WWC1: variants seen among roughly 807,000 people sequenced by gnomAD.
WWC1 encodes the protein WW and C2 domain containing 1.
WWC1 carries 55 observed loss-of-function variants against 138.4 expected under a neutral mutation model. The observed-to-expected ratio is 0.40, with a 90% CI of 0.32 to 0.50. The LOEUF (loss-of-function observed/expected upper bound fraction) is 0.50, where lower values mean the gene tolerates loss of function less well. Ranked by LOEUF, WWC1 falls within the 20% of genes least tolerant of loss-of-function variation. The pLI is 0.72. For synonymous variants in WWC1, 524 were observed against 564.9 expected (o/e 0.93, Z 1.03); for missense variants, 1,226 against 1,420.4 (o/e 0.86, Z 2.20).
In WWC1 at chr5:168,442,602, C is replaced by T. The variant is rs566660990; in HGVS notation, c.2433+768C>T. Among the ~76,000 whole-genome samples, 4 of 151,324 alleles carry T rather than the reference C, an allele frequency of 2.6e-5. No homozygotes were observed. In the East Asian group the frequency reaches 7.8e-4, roughly 29 times the overall value. ...CTGTAATCCCAGCACTTTGGGAGGC[C>T]AAGGCAGGAGGATCTCTTGAGGTCA... On this transcript the variant is annotated intron_variant, in intron 16 of 22. Coordinates refer to ENST00000265293, the MANE Select transcript of WWC1 (RefSeq NM_015238.3).
chr5:168,465,548 C>CTTTTTTTTTTTTT (rs10527141), intron 21 of WWC1, among the ~76,000 whole-genome samples: 1,537 of 46,950 alleles, frequency 0.033, 741 homozygotes, highest in African/African-American at 0.041. Context: ...ATCAGCTGGG[C>CTTTTTTTTTTTTT]TTTTTTTTTT....
chr5:168,339,806 T>TTTTCTTTCTTTCTTTCTTCCTTTC (rs1773822884), intron 1 of WWC1, among the ~76,000 whole-genome samples: 1 of 142,618 alleles, frequency 7.0e-6, no homozygotes, highest in African/African-American at 2.9e-5. Flanking sequence ...TTCTTTTTGT[T>TTTTCTTTCTTTCTTTCTTCCTTTC]TTTCTTTCTT....
chr5:168,454,819 C>A (rs1054376198), intron 18 of WWC1, among the ~76,000 whole-genome samples: 4 of 152,246 alleles, frequency 2.6e-5, no homozygotes, highest in African/African-American at 9.6e-5. Flanking sequence ...TTTAGGCTGA[C>A]AAAGGTCCTG....
chr5:168,358,298 G>A (rs1775612975), intron 1 of WWC1, among the ~76,000 whole-genome samples: 1 of 152,186 alleles, frequency 6.6e-6, no homozygotes, highest in African/African-American at 2.4e-5. Context: ...ATGTCAGGAG[G>A]TGTGTTCAGA....
chr5:168,412,647 C>A (rs755591414), intron 8 of WWC1, among the ~76,000 whole-genome samples: 1 of 152,174 alleles, frequency 6.6e-6, no homozygotes, highest in Admixed American at 6.5e-5. Flanking sequence ...ATTTAAATAA[C>A]TAACTACAGT....
intron 1 of WWC1, among the ~76,000 whole-genome samples, chr5:168,354,385 A>T (rs780368671): frequency 6.6e-6 from 1 of 152,066 alleles, no homozygotes; most frequent in Non-Finnish European, 1.5e-5. Flanking sequence ...TTTAATATTG[A>T]TGCACTGGAA....
chr5:168,320,803 G>A (rs1057511913), intron 1 of WWC1, among the ~76,000 whole-genome samples: 1 of 152,096 alleles, frequency 6.6e-6, no homozygotes, highest in African/African-American at 2.4e-5. Flanking sequence ...AGGGGCAGAA[G>A]AACAGGGGCA....
intron 11 of WWC1, among the ~76,000 whole-genome samples, chr5:168,425,837 C>A (rs1280866950): frequency 6.6e-6 from 1 of 152,102 alleles, no homozygotes; most frequent in Admixed American, 6.5e-5. Context: ...AAGTGAGGCA[C>A]AGTGAGGTTA....
chr5:168,340,351 C>A (rs1430495278), intron 1 of WWC1, among the ~76,000 whole-genome samples: 2 of 152,204 alleles, frequency 1.3e-5, no homozygotes, highest in East Asian at 1.9e-4. Flanking sequence ...GCTGCGATTA[C>A]AATTCAACCA....
At chr5:168,420,843 C>T (rs867956542) in intron 9 of WWC1, among the ~76,000 whole-genome samples, 5 of 152,170 alleles carry the variant, frequency 3.3e-5, no homozygotes, top group Admixed American at 6.5e-5. Flanking sequence ...CCACCCTCCC[C>T]GCCTTCAGTC....
intron 1 of WWC1, among the ~76,000 whole-genome samples, chr5:168,323,454 G>A (rs1352242483): frequency 6.6e-6 from 1 of 152,082 alleles, no homozygotes; most frequent in African/African-American, 2.4e-5. Flanking sequence ...AGCTGAGGCA[G>A]GAGGATCACT....
chr5:168,413,733 C>G (rs897496520), intron 8 of WWC1, among the ~76,000 whole-genome samples: 1 of 152,194 alleles, frequency 6.6e-6, no homozygotes, highest in South Asian at 2.1e-4. Flanking sequence ...TGAGAATACG[C>G]GGTCAGTAGT....
rs950318331 is a variant in WWC1, at chr5:168,311,240, C to T, written c.119+18969C>T. On this transcript the variant is annotated intron_variant, in intron 1 of 22. Coordinates refer to ENST00000265293, the MANE Select transcript of WWC1 (RefSeq NM_015238.3). ...CATCTGTCATCTGCCTCCCTCCCTA[C>T]TTCCAGCAGGAAGGGGTCTGCTTCA... 4.6e-5 allele frequency among the ~76,000 whole-genome samples: 7 copies of T among 152,304 alleles called. No homozygotes were observed. In the South Asian group the frequency reaches 1.0e-3, roughly 23 times the overall value.
At position 168,367,206 on chromosome 5, in the gene WWC1, G is replaced by A. The variant is rs187037431; in HGVS notation, c.120-4218G>A. ...AACTGAAGGTCCCAAATATGCTAAA[G>A]CCCCCATGCCTTTTGCCTGCTTCAG... On this transcript the variant is annotated intron_variant, in intron 1 of 22. Transcript: ENST00000265293. Among the ~76,000 whole-genome samples the A allele has an allele frequency of 5.3e-5, 8 of 152,212 alleles. No individual in the cohort carries two copies. The East Asian group carries it at 1.3e-3, about 26-fold the overall frequency.
Position 168,414,436 on chromosome 5 carries a change from A to T in WWC1, c.1030A>T (p.Ile344Phe). 6.3e-7 allele frequency: 1 copy of T among 1,589,824 alleles called. No individual in the cohort carries two copies. Among genetic ancestry groups the T allele is most frequent in the Non-Finnish European group, 8.6e-7 (1 of 1,167,288 alleles). The change falls in exon 9 of 23, where the codon ATC becomes TTC. Residue 344 changes from isoleucine (I) to phenylalanine (F), a missense_variant. Coordinates refer to ENST00000265293, the MANE Select transcript of WWC1 (RefSeq NM_015238.3). ...CTCAGAGAGGGACCGGCTGATCCTT[A>T]TCAACGAGAAGGAGGAGCTGCTGAA... ...LDSERDRLIL[I>F]NEKEELLKEM... is the part of the protein sequence containing the mutation.
At chr5:168,462,294 G>A (rs1255042785) in intron 20 of WWC1, among the ~76,000 whole-genome samples, 3 of 152,104 alleles carry the variant, frequency 2.0e-5, no homozygotes, top group Admixed American at 6.5e-5. Flanking sequence ...CAGAGTGTGC[G>A]GGTGTGGGAG....
intron 3 of WWC1, among the ~76,000 whole-genome samples, chr5:168,392,597 G>T (rs1778587450): frequency 6.6e-6 from 1 of 152,156 alleles, no homozygotes. Flanking sequence ...GTAGGCTGAG[G>T]CAGGAGGATT....
intron 21 of WWC1, 69 bp downstream of exon 21, chr5:168,465,031 G>A: frequency 2.6e-6 from 4 of 1,554,574 alleles, no homozygotes; most frequent in South Asian, 2.4e-5. Flanking sequence ...ACTGCCCCGG[G>A]GAAGAGAGGC....
intron 2 of WWC1, among the ~76,000 whole-genome samples, chr5:168,376,617 G>A (rs988519592): frequency 2.6e-5 from 4 of 152,028 alleles, no homozygotes; most frequent in Non-Finnish European, 5.9e-5. Flanking sequence ...AAAATCAATA[G>A]CATTTCTGTA....
Sources: allele counts gnomAD v4.1 joint callset (sites outside exome capture counted in the v4.1 genomes callset), GRCh38; gene constraint gnomAD v4.1.1; transcripts MANE v1.5; gene names NCBI Gene and HGNC (gene_info 2026-07-23, HGNC 2026-07-21).